Variants in XKR4 observed in about 807,000 individuals in gnomAD.
The protein encoded by XKR4 is XK related 4.
A neutral mutation model predicts 53.9 loss-of-function variants in XKR4; 12 were observed. The observed-to-expected ratio is 0.22, with a 90% CI of 0.14 to 0.36. The LOEUF is 0.36. XKR4 is among the 10% of genes least tolerant of loss of function. The pLI, the probability that XKR4 is intolerant of heterozygous loss-of-function variation, is 1.00. For synonymous variants in XKR4, 354 were observed against 362.4 expected (o/e 0.98, Z 0.26); for missense variants, 799 against 859.5 (o/e 0.93, Z 0.88).
intron 1 of XKR4, among the ~76,000 whole-genome samples, chr8:55,103,951 T>G (rs1816101648): frequency 6.8e-6 from 1 of 147,536 alleles, no homozygotes; most frequent in African/African-American, 2.5e-5. Flanking sequence ...AGAGTGCCCT[T>G]TCTGATTATC....
intron 1 of XKR4, among the ~76,000 whole-genome samples, chr8:55,160,530 A>G (rs1022625976): frequency 1.3e-5 from 2 of 152,230 alleles, no homozygotes; most frequent in South Asian, 4.1e-4. Context: ...GGGTGAGTCC[A>G]AAGGCCAGAG....
At chr8:55,142,933 G>A (rs747632090) in intron 1 of XKR4, among the ~76,000 whole-genome samples, 5 of 152,174 alleles carry the variant, frequency 3.3e-5, no homozygotes, top group Admixed American at 6.5e-5. Context: ...GCTAGGCAGC[G>A]GTCCCTTGTG....
chr8:55,333,402 G>A (rs1342892138), intron 1 of XKR4, among the ~76,000 whole-genome samples: 5 of 152,102 alleles, frequency 3.3e-5, no homozygotes, highest in Non-Finnish European at 2.9e-5. Flanking sequence ...AGCTCAAACT[G>A]AAGACTTAAA....
chr8:55,367,651 T>C (rs139189867), intron 2 of XKR4, among the ~76,000 whole-genome samples: 3 of 152,328 alleles, frequency 2.0e-5, no homozygotes, highest in Admixed American at 1.3e-4. Context: ...TTTTGAGTCC[T>C]CTGAATTTTA....
chr8:55,301,360 G>A lies in XKR4; in HGVS notation c.807-56318G>A, dbSNP rs374854056. Among the ~76,000 whole-genome samples, 8 of 152,080 alleles carry A rather than the reference G, an allele frequency of 5.3e-5. No homozygotes were observed. In the East Asian group the frequency reaches 5.8e-4, roughly 11 times the overall value. On this transcript the variant is annotated intron_variant, in intron 1 of 2. Coordinates refer to ENST00000327381, the MANE Select transcript of XKR4 (RefSeq NM_052898.2). ...TTATGGCTGCATAGTATTCCCTGGT[G>A]TATATGTGCCACATTTTCTTAATCC... is the stretch of plus-strand genomic sequence containing the variant.
At chr8:55,301,410 G>A (rs1189856630) in intron 1 of XKR4, among the ~76,000 whole-genome samples, 3 of 151,802 alleles carry the variant, frequency 2.0e-5, no homozygotes, top group Non-Finnish European at 4.4e-5. Context: ...GGACATTTGG[G>A]TTGGTTCCAA....
chr8:55,228,999 AAAAC>A (rs563098962), intron 1 of XKR4, among the ~76,000 whole-genome samples: 52 of 152,294 alleles, frequency 3.4e-4, no homozygotes, highest in Non-Finnish European at 5.7e-4. Flanking sequence ...AAGAACTTGA[AAAAC>A]AAACAAACAA....
intron 1 of XKR4, among the ~76,000 whole-genome samples, chr8:55,137,899 G>T (rs1026450605): frequency 6.6e-6 from 1 of 151,780 alleles, no homozygotes; most frequent in Non-Finnish European, 1.5e-5. Flanking sequence ...ACCTTGGAAT[G>T]AAAGAAAAAT....
At chr8:55,142,402 G>A in intron 1 of XKR4, 1 of 280,286 alleles carries the variant, frequency 3.6e-6, no homozygotes, top group Non-Finnish European at 7.2e-6. Flanking sequence ...CGCTCCTTAA[G>A]TTGTCTGTGG....
chr8:55,410,246 C>T (rs1431169203), intron 2 of XKR4, among the ~76,000 whole-genome samples: 4 of 152,250 alleles, frequency 2.6e-5, no homozygotes, highest in African/African-American at 4.8e-5. Flanking sequence ...GTACTCCAAT[C>T]GGCCTCATCC....
chr8:55,134,369 T>TGGCCTGTATATTACA (rs1563464861), intron 1 of XKR4, among the ~76,000 whole-genome samples: 3 of 152,208 alleles, frequency 2.0e-5, no homozygotes. Context: ...CTGTATATAA[T>TGGCCTGTATATTACA]TTGTGAGGGT....
chr8:55,108,032 A>C (rs1307561656), intron 1 of XKR4, among the ~76,000 whole-genome samples: 2 of 152,202 alleles, frequency 1.3e-5, no homozygotes, highest in African/African-American at 4.8e-5. Flanking sequence ...CAATAGAAGA[A>C]AATAAGCACG....
chr8:55,510,442 A>C (rs991489706), intron 2 of XKR4, among the ~76,000 whole-genome samples: 2 of 152,180 alleles, frequency 1.3e-5, no homozygotes, highest in Non-Finnish European at 2.9e-5. Flanking sequence ...GATTTCCATC[A>C]TAGACAGTTC....
At chr8:55,334,569 C>T (rs1803431032) in intron 1 of XKR4, among the ~76,000 whole-genome samples, 1 of 152,208 alleles carries the variant, frequency 6.6e-6, no homozygotes, top group African/African-American at 2.4e-5. Context: ...TTGATCTGAA[C>T]AAACTTGCAG....
intron 1 of XKR4, among the ~76,000 whole-genome samples, chr8:55,256,563 G>A (rs1303728751): frequency 6.6e-6 from 1 of 152,174 alleles, no homozygotes. Context: ...TGAGGGAAGA[G>A]TCTAAGTTCT....
intron 2 of XKR4, among the ~76,000 whole-genome samples, chr8:55,430,700 A>C (rs975216393): frequency 1.5e-4 from 23 of 152,190 alleles, no homozygotes; most frequent in African/African-American, 5.3e-4. Context: ...AGAAATTTAT[A>C]TCTCACTGTT....
intron 1 of XKR4, among the ~76,000 whole-genome samples, chr8:55,152,714 G>GA (rs555219557): frequency 3.3e-5 from 5 of 152,058 alleles, no homozygotes; most frequent in Admixed American, 1.3e-4. Context: ...AAAGTAGAGG[G>GA]AAAAAAATCA....
At chr8:55,388,336 A>T (rs1339500782) in intron 2 of XKR4, among the ~76,000 whole-genome samples, 1 of 152,358 alleles carries the variant, frequency 6.6e-6, no homozygotes, top group African/African-American at 2.4e-5. Flanking sequence ...TGTTTCTGGA[A>T]TAAAAAAGAG....
intron 2 of XKR4, among the ~76,000 whole-genome samples, chr8:55,467,200 C>T (rs1012573908): frequency 6.6e-6 from 1 of 152,104 alleles, no homozygotes; most frequent in African/African-American, 2.4e-5. Context: ...GCCATCTCCA[C>T]AATAGGAAAA....
Sources: allele counts gnomAD v4.1 joint callset (sites outside exome capture counted in the v4.1 genomes callset), GRCh38; gene constraint gnomAD v4.1.1; transcripts MANE v1.5; gene names NCBI Gene and HGNC (gene_info 2026-07-23, HGNC 2026-07-21).